NFIB: variants seen among roughly 807,000 people sequenced by gnomAD.
NFIB encodes the protein nuclear factor I B, also known as nuclear factor 1 B-type.
Under a neutral mutation model 61.5 loss-of-function variants are expected in NFIB, and 11 were observed. That is an observed-to-expected ratio of 0.18 (90% confidence interval 0.11 to 0.30). The LOEUF (loss-of-function observed/expected upper bound fraction) is 0.30, where lower values mean the gene tolerates loss of function less well. Among genes scored for constraint, NFIB ranks in the 10% least tolerant of loss-of-function variants. The pLI is 1.00. For missense variants in NFIB, 471 were observed against 608.9 expected (o/e 0.77, Z 2.38); for synonymous variants, 260 against 216.5 (o/e 1.20, Z -1.76).
intron 1 of NFIB, among the ~76,000 whole-genome samples, chr9:14,344,108 A>AGAG (rs2060988361): frequency 3.5e-5 from 5 of 141,454 alleles, no homozygotes; most frequent in Non-Finnish European, 6.2e-5. Context: ...GAGAGAGAGA[A>AGAG]AGAGAGAGAG....
intron 10 of NFIB, among the ~76,000 whole-genome samples, chr9:14,106,965 C>A (rs1368185935): frequency 6.6e-6 from 1 of 151,988 alleles, no homozygotes; most frequent in Non-Finnish European, 1.5e-5. Context: ...GGCAAATTTA[C>A]CTTCTCACTT....
the NFIB span, among the ~76,000 whole-genome samples, chr9:14,437,237 A>C: frequency 1.3e-5 from 2 of 152,250 alleles, no homozygotes; most frequent in African/African-American, 4.8e-5. Context: ...AAATGTAAAA[A>C]GTGTGCAGGA....
the NFIB span, among the ~76,000 whole-genome samples, chr9:14,527,309 T>A: frequency 6.6e-6 from 1 of 152,204 alleles, no homozygotes; most frequent in African/African-American, 2.4e-5. Context: ...TTGTTGTTGT[T>A]TTACTCAGAA....
the NFIB span, among the ~76,000 whole-genome samples, chr9:14,516,423 G>A: frequency 2.6e-5 from 4 of 152,032 alleles, no homozygotes; most frequent in African/African-American, 4.8e-5. Context: ...GGCACTGACC[G>A]ATAACTTGTT....
At chr9:14,411,965 C>T in the NFIB span, among the ~76,000 whole-genome samples, 1 of 152,132 alleles carries the variant, frequency 6.6e-6, no homozygotes, top group Non-Finnish European at 1.5e-5. Context: ...GAACAGAGGC[C>T]AACAGCCACG....
intron 2 of NFIB, among the ~76,000 whole-genome samples, chr9:14,297,876 G>A (rs1013432282): frequency 1.3e-5 from 2 of 152,116 alleles, no homozygotes; most frequent in African/African-American, 4.8e-5. Context: ...CATTTTAGAA[G>A]GCTTTTCCAG....
chr9:14,275,242 C>A (rs750344171), intron 2 of NFIB, among the ~76,000 whole-genome samples: 1 of 152,128 alleles, frequency 6.6e-6, no homozygotes, highest in African/African-American at 2.4e-5. Context: ...GTGAATTCTA[C>A]TTCTGTGTCA....
chr9:14,376,810 G>A lies in NFIB; in HGVS notation c.108+21714C>T, dbSNP rs149734871. Among the ~76,000 whole-genome samples the A allele has an allele frequency of 3.7e-3, 561 of 151,268 alleles. 6 individuals carry two copies. The highest frequency in any genetic ancestry group is 0.013 in the African/African-American group (518 of 41,162). On this transcript the variant is annotated intron_variant, in intron 1 of 8. Coordinates refer to the NFIB transcript ENST00000380934. ...TGGGATTACAGGCATGAGCCACTGCGCCTGGCTTAAAAGTGCCATTTTTTT... is the reference window on the plus strand; with the variant it reads ...TGGGATTACAGGCATGAGCCACTGCACCTGGCTTAAAAGTGCCATTTTTTT...
Position 14,120,491 on chromosome 9 carries a change from A to C in NFIB, c.1194T>G (p.Thr398=). 6.2e-7 allele frequency: 1 copy of C among 1,614,124 alleles called. No individual in the cohort carries two copies. The highest frequency in any genetic ancestry group is 8.5e-7 in the Non-Finnish European group (1 of 1,180,018). ...RYPPHLNPQD[T]LKNYVPSYDP... The stretch of plus-strand genomic sequence containing the variant: ...CATAAGAAGGTACATAGTTCTTCAG[A>C]GTATCCTGAGGATTCAGGTGGGGAG... The change falls in exon 8 of 11, where the codon ACT becomes ACG. Residue 398 remains threonine, a synonymous_variant. Coordinates refer to ENST00000380953, the MANE Select transcript of NFIB (RefSeq NM_001190737.2). This position sits in a 1 kb window ranked among gnomAD's most constrained non-coding sequence, Gnocchi z 4.4.
intron 2 of NFIB, among the ~76,000 whole-genome samples, chr9:14,250,643 G>A (rs2055493777): frequency 6.6e-6 from 1 of 152,164 alleles, no homozygotes; most frequent in South Asian, 2.1e-4. Flanking sequence ...TATGCCTTAG[G>A]AAATATTCCA....
intron 1 of NFIB, among the ~76,000 whole-genome samples, chr9:14,355,818 G>A (rs530103947): frequency 6.6e-5 from 10 of 152,200 alleles, no homozygotes; most frequent in East Asian, 1.9e-4. Flanking sequence ...TTAGCCAGTC[G>A]TGGTGGCGGG....
the NFIB span, among the ~76,000 whole-genome samples, chr9:14,489,289 C>A: frequency 6.6e-6 from 1 of 152,026 alleles, no homozygotes; most frequent in African/African-American, 2.4e-5. Context: ...TAAGTTTATC[C>A]AAACATAATA....
At chr9:14,279,551 C>T (rs1289306421) in intron 2 of NFIB, among the ~76,000 whole-genome samples, 4 of 152,120 alleles carry the variant, frequency 2.6e-5, no homozygotes, top group African/African-American at 4.8e-5. Flanking sequence ...CAACAGAGAT[C>T]GATATAATTT....
rs1365341381 is a variant in NFIB, at chr9:14,119,542, C to G, written c.1245+898G>C. Among the ~76,000 whole-genome samples, 5 of 152,036 alleles carry G rather than the reference C, an allele frequency of 3.3e-5. No homozygotes were observed. In the East Asian group the frequency reaches 9.6e-4, roughly 29 times the overall value. On this transcript the variant is annotated intron_variant, in intron 8 of 10. Transcript: ENST00000380953. ...GCTAATTTAAATTGATAGACACACA[C>G]TATTTACTAGCATTTCAGGAATGTT...
chr9:14,103,118 G>C (rs534807092), intron 10 of NFIB, among the ~76,000 whole-genome samples: 1 of 152,108 alleles, frequency 6.6e-6, no homozygotes, highest in Non-Finnish European at 1.5e-5. Flanking sequence ...CAGAGTAATG[G>C]CATTTAAAAT....
chr9:14,513,551 T>C, the NFIB span, among the ~76,000 whole-genome samples: 1 of 149,410 alleles, frequency 6.7e-6, no homozygotes, highest in Non-Finnish European at 1.5e-5. Flanking sequence ...TTGCTTGAAC[T>C]CGGGAGCCGG....
chr9:14,434,970 C>G, the NFIB span, among the ~76,000 whole-genome samples: 1 of 152,208 alleles, frequency 6.6e-6, no homozygotes, highest in Non-Finnish European at 1.5e-5. Flanking sequence ...TCTAAGGCTT[C>G]TAGAAGGAGG....
At chr9:14,151,937 A>AGATT (rs1465722608) in intron 4 of NFIB, among the ~76,000 whole-genome samples, 3 of 152,110 alleles carry the variant, frequency 2.0e-5, no homozygotes, top group African/African-American at 7.2e-5. Flanking sequence ...AAGGGATTGC[A>AGATT]GATTTTTATG....
intron 2 of NFIB, among the ~76,000 whole-genome samples, chr9:14,285,343 G>C (rs577891673): frequency 1.3e-5 from 2 of 152,238 alleles, no homozygotes; most frequent in Admixed American, 6.5e-5. Context: ...GGCTGGTCCC[G>C]AACTCCTGAC....
Sources: gnomAD v4.1 joint callset for allele counts (sites outside exome capture counted in the v4.1 genomes callset) on GRCh38, gnomAD v4.1.1 for gene constraint, Gnocchi (gnomAD v3.1) non-coding constraint, MANE v1.5 for transcripts, NCBI Gene and HGNC (gene_info 2026-07-23, HGNC 2026-07-21) for gene names.